Variants in VAPA observed in about 807,000 individuals in gnomAD.
The protein encoded by VAPA is vesicle-associated membrane protein-associated protein A.
Under a neutral mutation model 25.6 loss-of-function variants are expected in VAPA, and 6 were observed. The ratio of observed to expected loss-of-function variants is 0.23; its 90% CI spans 0.13 to 0.46. VAPA has a LOEUF of 0.46. VAPA is among the 20% of genes least tolerant of loss of function. VAPA has a pLI of 0.99. For synonymous variants in VAPA, 112 were observed against 106.2 expected, an observed-to-expected ratio of 1.05 and a Z score of -0.34; for missense variants, 244 against 302.1, an observed-to-expected ratio of 0.81 and a Z score of 1.43.
chr18:9,937,902 T>A (rs2069327649), intron 4 of VAPA, among the ~76,000 whole-genome samples: 2 of 152,254 alleles, frequency 1.3e-5, no homozygotes, highest in Non-Finnish European at 2.9e-5. Flanking sequence ...TCAGTTATTG[T>A]GTTCCTCTTT....
chr18:9,915,633 C>T lies in VAPA; in HGVS notation c.79+1298C>T, dbSNP rs530466701. 4 of 152,172 alleles carry T rather than the reference C, an allele frequency of 2.6e-5. No individual in the cohort carries two copies. In the South Asian group the frequency reaches 6.2e-4, roughly 24 times the overall value. 9.4% of individuals were successfully genotyped at this position (152,172 alleles called of 1,614,324 possible). A position where few individuals can be genotyped will look rare whatever the true frequency, so the allele number is the denominator to read the frequency against. On this transcript the variant is annotated intron_variant, in intron 1 of 5. Coordinates refer to ENST00000400000, the MANE Select transcript of VAPA (RefSeq NM_194434.3). The stretch of plus-strand genomic sequence containing the variant: ...TAGTGCTAAAAGAAAAAATTAAATC[C>T]TTTATTGTTGTGTAAGGCTGAGTCC...
chr18:9,917,028 A>T (rs531151029), intron 1 of VAPA, among the ~76,000 whole-genome samples: 13 of 151,730 alleles, frequency 8.6e-5, no homozygotes, highest in African/African-American at 1.9e-4. Flanking sequence ...CTCAGTATTT[A>T]AAAAAAAGTT....
chr18:9,931,577 TC>T (rs1470394815), intron 1 of VAPA, among the ~76,000 whole-genome samples: 1 of 152,176 alleles, frequency 6.6e-6, no homozygotes, highest in Non-Finnish European at 1.5e-5. Flanking sequence ...TTGATAGAAA[TC>T]ATACATGTTT....
intron 1 of VAPA, among the ~76,000 whole-genome samples, chr18:9,921,124 G>T (rs956064504): frequency 1.3e-5 from 2 of 152,224 alleles, no homozygotes; most frequent in African/African-American, 4.8e-5. Context: ...TGATTGCCCA[G>T]TAAGTGTTGA....
At chr18:9,914,419 C>CGGCCCT (rs1403951672) in intron 1 of VAPA, 84 bp downstream of exon 1, 4 of 1,244,860 alleles carry the variant, frequency 3.2e-6, no homozygotes, top group Non-Finnish European at 4.2e-6. Flanking sequence ...GGCACGTCCG[C>CGGCCCT]GGCCCTGGCC....
At chr18:9,935,619 T>C (rs2069301682) in intron 2 of VAPA, among the ~76,000 whole-genome samples, 1 of 152,226 alleles carries the variant, frequency 6.6e-6, no homozygotes, top group Non-Finnish European at 1.5e-5. Context: ...TTTAAGTTAC[T>C]GAGTATTTCT....
chr18:9,943,978 A>G (rs1485667522), intron 4 of VAPA, among the ~76,000 whole-genome samples: 1 of 146,734 alleles, frequency 6.8e-6, no homozygotes, highest in Non-Finnish European at 1.5e-5. Flanking sequence ...CTCCTGCCTC[A>G]GCCTCTCCGA....
intron 4 of VAPA, among the ~76,000 whole-genome samples, chr18:9,944,119 G>A (rs768473596): frequency 2.8e-4 from 43 of 151,532 alleles, no homozygotes; most frequent in Admixed American, 2.0e-4. Context: ...AAAGTGCTGG[G>A]ATTACAAGCG....
chr18:9,946,092 T>C (rs2069420300), intron 4 of VAPA, among the ~76,000 whole-genome samples: 1 of 152,200 alleles, frequency 6.6e-6, no homozygotes, highest in Non-Finnish European at 1.5e-5. Context: ...TAGTTCCCTC[T>C]TTTTCTAATT....
At chr18:9,939,146 G>C (rs1159870046) in intron 4 of VAPA, among the ~76,000 whole-genome samples, 1 of 151,148 alleles carries the variant, frequency 6.6e-6, no homozygotes, top group Admixed American at 6.6e-5. Context: ...GTTTGAATTA[G>C]ATGAAAATAA....
At chr18:9,936,333 C>T (rs920756045) in intron 3 of VAPA, 120 bp downstream of exon 3, 2 of 539,588 alleles carry the variant, frequency 3.7e-6, no homozygotes, top group African/African-American at 3.9e-5. Flanking sequence ...TTTTAAAAAA[C>T]TGCCAATTTC....
At chr18:9,934,365 G>A (rs1373487299) in intron 2 of VAPA, among the ~76,000 whole-genome samples, 1 of 152,096 alleles carries the variant, frequency 6.6e-6, no homozygotes, top group Non-Finnish European at 1.5e-5. Flanking sequence ...GTAAGTTTTC[G>A]TTTTATTCAC....
intron 1 of VAPA, among the ~76,000 whole-genome samples, chr18:9,926,817 TC>T (rs956167795): frequency 6.6e-6 from 1 of 152,066 alleles, no homozygotes; most frequent in African/African-American, 2.4e-5. Flanking sequence ...CTAAGACAGT[TC>T]ACTATTTAAT....
chr18:9,948,504 A>T (rs938701650), intron 4 of VAPA: 1 of 152,228 alleles, frequency 6.6e-6, no homozygotes, highest in Non-Finnish European at 1.5e-5. Flanking sequence ...GAATTTAAAA[A>T]TAATCAGTTG....
At position 9,954,227 on chromosome 18, in the gene VAPA, G is replaced by A. The variant is rs902969058; in HGVS notation, c.*16G>A. 1.3e-6 allele frequency: 2 copies of A among 1,557,152 alleles called. No individual in the cohort carries two copies. Among genetic ancestry groups the A allele is most frequent in the South Asian group, 2.4e-5 (2 of 83,900 alleles). On this transcript the variant is annotated 3_prime_UTR_variant, in exon 6 of 6. Coordinates refer to ENST00000400000, the MANE Select transcript of VAPA (RefSeq NM_194434.3). ...CATCTTGTAGAGTGAAGCATGCAGA[G>A]TGCTGTTTCTTTTTTTTTTTTTCTC...
intron 4 of VAPA, among the ~76,000 whole-genome samples, chr18:9,946,628 A>G (rs1179022884): frequency 6.6e-6 from 1 of 151,884 alleles, no homozygotes; most frequent in Non-Finnish European, 1.5e-5. Context: ...ATATGGCATA[A>G]GAGATAAAAT....
Position 9,914,200 on chromosome 18 carries a change from GC to G in VAPA, c.-52del. 1.3e-6 allele frequency: 2 copies of G among 1,490,536 alleles called. No homozygotes were observed. The highest frequency in any genetic ancestry group is 1.8e-6 in the Non-Finnish European group (2 of 1,103,334). 92.3% of individuals were successfully genotyped at this position (1,490,536 alleles called of 1,614,324 possible). A position where few individuals can be genotyped will look rare whatever the true frequency, so the allele number is the denominator to read the frequency against. On this transcript the variant is annotated 5_prime_UTR_variant, in exon 1 of 6. Coordinates refer to ENST00000400000, the MANE Select transcript of VAPA (RefSeq NM_194434.3). ...CGAGCCGTCGCCGCCGTCGTCCCCC[GC>G]CCCCAGTCAGCAAACCGCCGCCGCG...
At chr18:9,935,640 T>G (rs1186633773) in intron 2 of VAPA, among the ~76,000 whole-genome samples, 4 of 152,326 alleles carry the variant, frequency 2.6e-5, no homozygotes, top group East Asian at 3.9e-4. Context: ...CCTTTAAATA[T>G]CTCAGTTGTA....
intron 1 of VAPA, among the ~76,000 whole-genome samples, chr18:9,930,718 T>A (rs1280844373): frequency 6.6e-6 from 1 of 151,976 alleles, no homozygotes; most frequent in Non-Finnish European, 1.5e-5. Context: ...AATGCAGACC[T>A]GTTAGTTATA....
Sources: allele counts gnomAD v4.1 joint callset (sites outside exome capture counted in the v4.1 genomes callset), GRCh38; gene constraint gnomAD v4.1.1; transcripts MANE v1.5; gene names NCBI Gene and HGNC (gene_info 2026-07-23, HGNC 2026-07-21).